GSDME: variants seen among roughly 807,000 people sequenced by gnomAD.
GSDME encodes the protein gasdermin E, also known as gasdermin-E.
In GSDME, 44 loss-of-function variants were observed where a neutral mutation model predicts 47.5. The ratio of observed to expected loss-of-function variants is 0.93; its 90% CI spans 0.73 to 1.19. GSDME has a LOEUF of 1.19. GSDME is among the 50% of genes most tolerant of loss of function. The pLI is 0.00. For missense variants in GSDME, 663 were observed against 604.2 expected (o/e 1.10, Z -1.02); for synonymous variants, 258 against 252.8 (o/e 1.02, Z -0.20).
At chr7:24,710,202 A>G (rs1789290926) in intron 6 of GSDME, 22 bp downstream of exon 6, 3 of 1,611,814 alleles carry the variant, frequency 1.9e-6, no homozygotes, top group Admixed American at 3.3e-5. Flanking sequence ...ACTGCCCACT[A>G]CTCCTGCCCT....
Position 24,735,666 on chromosome 7 carries a change from G to A in GSDME, c.404+8896C>T, listed in dbSNP as rs1200209194. ...CCAACTACTCAGGAGGCTGAGGCAG[G>A]AGAATCACTGGAACCTGGGAGGTAG... On this transcript the variant is annotated intron_variant, in intron 3 of 9. Transcript: ENST00000645220. This position sits in a 1 kb window ranked among gnomAD's most constrained non-coding sequence, Gnocchi z 4.4. Among the ~76,000 whole-genome samples, 1 of 152,034 alleles carries A rather than the reference G, an allele frequency of 6.6e-6. No individual in the cohort carries two copies. Among genetic ancestry groups the A allele is most frequent in the African/African-American group, 2.4e-5 (1 of 41,390 alleles).
In GSDME at chr7:24,705,657, G is replaced by GT. The variant is rs1243376882; in HGVS notation, c.1183+526dup. The GT allele has an allele frequency of 1.4e-5, 3 of 221,090 alleles. No individual in the cohort carries two copies. Among genetic ancestry groups the GT allele is most frequent in the Non-Finnish European group, 2.7e-5 (3 of 110,612 alleles). The allele number at this position is 221,090 out of a possible 1,614,324, so 13.7% of individuals were successfully genotyped here. On this transcript the variant is annotated intron_variant, in intron 8 of 9. Transcript: ENST00000645220. The surrounding 1 kb of genome is among the most constrained non-coding windows in gnomAD (Gnocchi z 4.1). ...CCCCTGGGAGGCCATTTCAGGACCAGTGCAGAAGCTGTGCATCTGGGCCCA... is the reference window on the plus strand; with the variant it reads ...CCCCTGGGAGGCCATTTCAGGACCAGTTGCAGAAGCTGTGCATCTGGGCCCA...
At chr7:24,707,514 T>C in intron 7 of GSDME, 1 of 451,316 alleles carries the variant, frequency 2.2e-6, no homozygotes, top group Non-Finnish European at 4.6e-6. Flanking sequence ...ACGACCCCCT[T>C]GCAGTAGTCT....
the GSDME span, among the ~76,000 whole-genome samples, chr7:24,793,625 T>C: frequency 6.6e-6 from 1 of 151,982 alleles, no homozygotes; most frequent in African/African-American, 2.4e-5. Context: ...ATAACACACA[T>C]TTTTTTTCTT....
chr7:24,708,677 A>T lies in GSDME; in HGVS notation c.863-423T>A, dbSNP rs535114972. Among the ~76,000 whole-genome samples, 195 of 152,366 alleles carry T rather than the reference A, an allele frequency of 1.3e-3. 3 individuals carry two copies. Among genetic ancestry groups the T allele is most frequent in the African/African-American group, 4.6e-3 (190 of 41,598 alleles). On this transcript the variant is annotated intron_variant, in intron 6 of 9. Coordinates refer to ENST00000645220, the MANE Select transcript of GSDME (RefSeq NM_001127453.2). Reference sequence around the variant, plus strand: ...CAAATTCCAAAATACATTATTTTTCACGTCCTTTCTTGTAGTACATTGCAG... The same window carrying T: ...CAAATTCCAAAATACATTATTTTTCTCGTCCTTTCTTGTAGTACATTGCAG...
chr7:24,735,353 ATGTACT>A lies in GSDME; in HGVS notation c.404+9203_404+9208del, dbSNP rs984253777. Reference sequence around the variant, plus strand: ...ATAAGAAATCATCTGAAAGTCCAAAATGTACTTGTAAGTACACAGAAAAAACACAGA... The same window carrying A: ...ATAAGAAATCATCTGAAAGTCCAAAATGTAAGTACACAGAAAAAACACAGA... On this transcript the variant is annotated intron_variant, in intron 3 of 9. Coordinates refer to ENST00000645220, the MANE Select transcript of GSDME (RefSeq NM_001127453.2). The surrounding 1 kb of genome is among the most constrained non-coding windows in gnomAD (Gnocchi z 4.4). 2.0e-5 allele frequency among the ~76,000 whole-genome samples: 3 copies of A among 152,230 alleles called. No individual in the cohort carries two copies. The highest frequency in any genetic ancestry group is 4.8e-5 in the African/African-American group (2 of 41,474).
intron 4 of GSDME, among the ~76,000 whole-genome samples, chr7:24,717,977 C>G (rs1017469963): frequency 1.3e-5 from 2 of 152,244 alleles, no homozygotes; most frequent in African/African-American, 4.8e-5. Flanking sequence ...AGATGAGAAT[C>G]TATTTGTTGG....
Position 24,742,601 on chromosome 7 carries a change from G to A in GSDME, c.404+1961C>T, listed in dbSNP as rs1311851585. Among the ~76,000 whole-genome samples, 2 of 152,092 alleles carry A rather than the reference G, an allele frequency of 1.3e-5. No homozygotes were observed. The highest frequency in any genetic ancestry group is 6.5e-5 in the Admixed American group (1 of 15,272). ...GCAAGAGCTTTTACACCTGAATCAT[G>A]GTGTTTAAAAACCTATATCGAGAAA... On this transcript the variant is annotated intron_variant, in intron 3 of 9. Coordinates refer to ENST00000645220, the MANE Select transcript of GSDME (RefSeq NM_001127453.2). This position sits in a 1 kb window ranked among gnomAD's most constrained non-coding sequence, Gnocchi z 4.4.
intron 3 of GSDME, among the ~76,000 whole-genome samples, chr7:24,722,650 C>T (rs946867435): frequency 4.6e-5 from 7 of 152,214 alleles, no homozygotes; most frequent in African/African-American, 1.4e-4. Flanking sequence ...CCTACCCGCC[C>T]TAAACAGAAT....
chr7:24,706,494 G>T, intron 7 of GSDME, 118 bp from the exon 8 acceptor site: 1 of 938,916 alleles, frequency 1.1e-6, no homozygotes, highest in Non-Finnish European at 1.6e-6. Context: ...AGGAAAGTAC[G>T]ACCCGCAGCT....
chr7:24,737,364 T>A (rs1386378981), intron 3 of GSDME, among the ~76,000 whole-genome samples: 2 of 151,458 alleles, frequency 1.3e-5, no homozygotes, highest in East Asian at 3.9e-4. Context: ...CTACTATGAG[T>A]AACTATACAC....
At chr7:24,715,992 G>A (rs1203385015) in intron 5 of GSDME, among the ~76,000 whole-genome samples, 1 of 152,166 alleles carries the variant, frequency 6.6e-6, no homozygotes, top group African/African-American at 2.4e-5. Flanking sequence ...AGCAGCACAC[G>A]AGGACACTGA....
chr7:24,741,679 C>T (rs545579558), intron 3 of GSDME, among the ~76,000 whole-genome samples: 44 of 152,252 alleles, frequency 2.9e-4, no homozygotes, highest in African/African-American at 1.0e-3. Context: ...AATAAGCCCT[C>T]GGGAATGTAC....
chr7:24,762,499 G>T (rs901453099), upstream of GSDME, among the ~76,000 whole-genome samples: 2 of 152,068 alleles, frequency 1.3e-5, no homozygotes, highest in African/African-American at 2.4e-5. Flanking sequence ...CAGTATCCAG[G>T]TGAGCTATAC....
At chr7:24,791,342 G>A in the GSDME span, among the ~76,000 whole-genome samples, 59 of 152,316 alleles carry the variant, frequency 3.9e-4, no homozygotes, top group Middle Eastern at 3.4e-3. This position sits in a 1 kb window ranked among gnomAD's most constrained non-coding sequence, Gnocchi z 4.8. Flanking sequence ...AGCTCTCCAC[G>A]TTTGGGCATC....
rs1293172630 is a variant in GSDME, at chr7:24,726,218, G to T, written c.405-7000C>A. ...TAATTTCCATTTTCTCTGCTTCTAA[G>T]ACTTTCAAGAGCCAAAATGCAAACT... On this transcript the variant is annotated intron_variant, in intron 3 of 9. Coordinates refer to ENST00000645220, the MANE Select transcript of GSDME (RefSeq NM_001127453.2). This position sits in a 1 kb window ranked among gnomAD's most constrained non-coding sequence, Gnocchi z 5.6. Among the ~76,000 whole-genome samples the T allele has an allele frequency of 1.3e-5, 2 of 152,150 alleles. No individual in the cohort carries two copies. Among genetic ancestry groups the T allele is most frequent in the Non-Finnish European group, 2.9e-5 (2 of 68,032 alleles).
intron 1 of GSDME, among the ~76,000 whole-genome samples, chr7:24,751,476 G>C (rs569185211): frequency 1.3e-5 from 2 of 152,124 alleles, no homozygotes; most frequent in Non-Finnish European, 2.9e-5. Flanking sequence ...AATCTCTTTC[G>C]GGGCATGGGA....
At position 24,749,363 on chromosome 7, in the gene GSDME, G is replaced by A. The variant is rs77931296; in HGVS notation, c.211+201C>T. Among the ~76,000 whole-genome samples the A allele has an allele frequency of 0.094, 14,232 of 151,952 alleles. 1,733 individuals are homozygous for A. Among genetic ancestry groups the A allele is most frequent in the African/African-American group, 0.28 (11,684 of 41,386 alleles). On this transcript the variant is annotated intron_variant, in intron 2 of 9. Transcript: ENST00000645220. Reference sequence around the variant, plus strand: ...CTAAAAATACAAAAATTAGCTGGGCGTGGTGGTGGGTGCCTGTAATCCCAG... The same window carrying A: ...CTAAAAATACAAAAATTAGCTGGGCATGGTGGTGGGTGCCTGTAATCCCAG...
At chr7:24,708,827 C>T (rs1173041631) in intron 6 of GSDME, among the ~76,000 whole-genome samples, 1 of 152,216 alleles carries the variant, frequency 6.6e-6, no homozygotes, top group African/African-American at 2.4e-5. Flanking sequence ...AGCACTGAGT[C>T]CCCGAAGCTA....
Sources: allele counts gnomAD v4.1 joint callset (sites outside exome capture counted in the v4.1 genomes callset), GRCh38; gene constraint gnomAD v4.1.1; non-coding constraint Gnocchi (gnomAD v3.1); transcripts MANE v1.5; gene names NCBI Gene and HGNC (gene_info 2026-07-23, HGNC 2026-07-21).